The following ANKS1B variants were observed in gnomAD, a reference collection of about 807,000 sequenced individuals.
The protein encoded by ANKS1B is ankyrin repeat and sterile alpha motif domain containing 1B, also known as ankyrin repeat and sterile alpha motif domain-containing protein 1B.
A neutral mutation model predicts 148.3 loss-of-function variants in ANKS1B; 36 were observed. That is an observed-to-expected ratio of 0.24 (90% confidence interval 0.19 to 0.32). The LOEUF is 0.32. Ranked by LOEUF, ANKS1B falls within the 10% of genes least tolerant of loss-of-function variation. ANKS1B has a pLI of 1.00. For synonymous variants in ANKS1B, 542 were observed against 560.8 expected, an observed-to-expected ratio of 0.97 and a Z score of 0.47; for missense variants, 1,157 against 1,542.6, an observed-to-expected ratio of 0.75 and a Z score of 4.19.
chr12:99,185,864 A>G (rs2153870023), intron 14 of ANKS1B, among the ~76,000 whole-genome samples: 1 of 152,266 alleles, frequency 6.6e-6, no homozygotes, highest in Admixed American at 6.5e-5. Context: ...TTCATACCCC[A>G]GTGGCCCTGG....
chr12:98,899,496 A>G (rs2099769206), intron 17 of ANKS1B, among the ~76,000 whole-genome samples: 1 of 152,188 alleles, frequency 6.6e-6, no homozygotes, highest in South Asian at 2.1e-4. Flanking sequence ...GACTTTAACT[A>G]AAGGAGATTA....
chr12:99,560,494 A>T (rs2097322423), intron 9 of ANKS1B, among the ~76,000 whole-genome samples: 1 of 152,104 alleles, frequency 6.6e-6, no homozygotes, highest in African/African-American at 2.4e-5. Flanking sequence ...AATAAAGTTG[A>T]TATGCAGGCA....
intron 9 of ANKS1B, among the ~76,000 whole-genome samples, chr12:99,620,307 T>C (rs1421625814): frequency 6.6e-6 from 1 of 152,162 alleles, no homozygotes; most frequent in African/African-American, 2.4e-5. Flanking sequence ...TGAGAAAGAT[T>C]CTGGCACCAT....
chr12:98,769,543 C>T (rs1203844962), intron 25 of ANKS1B, among the ~76,000 whole-genome samples: 1 of 152,096 alleles, frequency 6.6e-6, no homozygotes, highest in Admixed American at 6.5e-5. Context: ...AGGCAATTCT[C>T]TACATGTTTT....
intron 3 of ANKS1B, among the ~76,000 whole-genome samples, chr12:99,809,509 G>T (rs1385488229): frequency 6.6e-6 from 1 of 151,884 alleles, no homozygotes; most frequent in African/African-American, 2.4e-5. Context: ...AAAAGAGAAG[G>T]ATGTGGCAAT....
At chr12:99,690,549 A>T (rs933697983) in intron 8 of ANKS1B, among the ~76,000 whole-genome samples, 1 of 152,218 alleles carries the variant, frequency 6.6e-6, no homozygotes, top group African/African-American at 2.4e-5. Context: ...AAAAGGAGCT[A>T]CAGGCCCCAT....
At chr12:98,932,658 C>T (rs1279714794) in intron 17 of ANKS1B, among the ~76,000 whole-genome samples, 1 of 152,150 alleles carries the variant, frequency 6.6e-6, no homozygotes. Context: ...TTCTTCATTG[C>T]TAAACTAATT....
At chr12:99,241,993 C>G (rs1015743350) in intron 14 of ANKS1B, among the ~76,000 whole-genome samples, 8 of 152,154 alleles carry the variant, frequency 5.3e-5, no homozygotes. Flanking sequence ...CGGCGAAAGA[C>G]AGGGATGCCC....
intron 8 of ANKS1B, among the ~76,000 whole-genome samples, chr12:99,732,192 C>T (rs2059228795): frequency 6.6e-6 from 1 of 152,154 alleles, no homozygotes; most frequent in South Asian, 2.1e-4. Flanking sequence ...AATACTTATA[C>T]ATTACTGATT....
intron 17 of ANKS1B, among the ~76,000 whole-genome samples, chr12:99,030,065 G>A (rs1236093157): frequency 6.6e-6 from 1 of 152,318 alleles, no homozygotes; most frequent in East Asian, 1.9e-4. Context: ...TCCTGACACT[G>A]GCTTCCCTCT....
chr12:98,834,278 T>C (rs1415025820), intron 17 of ANKS1B, among the ~76,000 whole-genome samples: 3 of 152,240 alleles, frequency 2.0e-5, no homozygotes, highest in Non-Finnish European at 4.4e-5. Context: ...TTATAGCTGC[T>C]TAAGGTTTGC....
At chr12:99,367,062 T>C (rs2092807208) in intron 12 of ANKS1B, among the ~76,000 whole-genome samples, 1 of 152,110 alleles carries the variant, frequency 6.6e-6, no homozygotes, top group South Asian at 2.1e-4. Flanking sequence ...CTCTACCTAC[T>C]AAATGCCAAT....
At chr12:98,855,478 C>T (rs1322148435) in intron 17 of ANKS1B, among the ~76,000 whole-genome samples, 4 of 152,142 alleles carry the variant, frequency 2.6e-5, no homozygotes, top group East Asian at 3.9e-4. Flanking sequence ...GAAGCATATT[C>T]GGAAACATAT....
chr12:99,332,960 C>A (rs1384864396), intron 12 of ANKS1B, among the ~76,000 whole-genome samples: 1 of 151,738 alleles, frequency 6.6e-6, no homozygotes, highest in Admixed American at 6.6e-5. Flanking sequence ...TGTATTGTAG[C>A]CTAAGCACTT....
chr12:99,642,477 G>A (rs1184074274), intron 9 of ANKS1B, among the ~76,000 whole-genome samples: 1 of 152,086 alleles, frequency 6.6e-6, no homozygotes, highest in Non-Finnish European at 1.5e-5. Flanking sequence ...CATTTCACAG[G>A]GCTAAAATTA....
intron 8 of ANKS1B, among the ~76,000 whole-genome samples, chr12:99,703,857 T>C (rs1260819555): frequency 6.6e-6 from 1 of 152,086 alleles, no homozygotes; most frequent in Non-Finnish European, 1.5e-5. Context: ...AATCGAAAAA[T>C]CTAAAATAGG....
Position 99,256,249 on chromosome 12 carries a change from C to CA in ANKS1B, c.1757-9386dup, listed in dbSNP as rs1249522263. Among the ~76,000 whole-genome samples, 453 of 74,314 alleles carry CA rather than the reference C, an allele frequency of 6.1e-3. 3 individuals are homozygous for CA. The highest frequency in any genetic ancestry group is 0.013 in the South Asian group (32 of 2,464). The allele number at this position is 74,314 out of a possible 152,430, so 48.8% of individuals were successfully genotyped here. Reference sequence around the variant, plus strand: ...TGGGTGACGGAGTGAAACTCCATCTCAAAAAAAAAAAAGAAAAAAAAAAGA... The same window carrying CA: ...TGGGTGACGGAGTGAAACTCCATCTCAAAAAAAAAAAAAGAAAAAAAAAAGA... On this transcript the variant is annotated intron_variant, in intron 12 of 26. Coordinates refer to ENST00000683438, the MANE Select transcript of ANKS1B (RefSeq NM_001352186.2).
At chr12:98,916,521 A>C (rs78753242) in intron 17 of ANKS1B, among the ~76,000 whole-genome samples, 2,784 of 152,380 alleles carry the variant, frequency 0.018, 98 homozygotes, top group African/African-American at 0.058. Flanking sequence ...ATGTTAAGAC[A>C]GTTAACAGAC....
intron 12 of ANKS1B, among the ~76,000 whole-genome samples, chr12:99,274,849 T>C (rs2077482592): frequency 1.3e-5 from 2 of 152,158 alleles, no homozygotes; most frequent in African/African-American, 4.8e-5. Flanking sequence ...ACTCACATGT[T>C]TGGTGGTTAA....
Sources: allele counts gnomAD v4.1 joint callset (sites outside exome capture counted in the v4.1 genomes callset), GRCh38; gene constraint gnomAD v4.1.1; transcripts MANE v1.5; gene names NCBI Gene and HGNC (gene_info 2026-07-23, HGNC 2026-07-21).